PTPRD: variants seen among roughly 807,000 people sequenced by gnomAD.
PTPRD encodes the protein receptor-type tyrosine-protein phosphatase delta.
A neutral mutation model predicts 214.5 loss-of-function variants in PTPRD; 34 were observed. That is an observed-to-expected ratio of 0.16 (90% CI 0.12 to 0.21). PTPRD has a LOEUF of 0.21. PTPRD is among the 10% of genes least tolerant of loss of function. The pLI is 1.00. For missense variants in PTPRD, 2,545 were observed against 2,398.7 expected (o/e 1.06, Z -1.27); for synonymous variants, 1,128 against 845.7 (o/e 1.33, Z -5.79).
chr9:10,514,998 A>G (rs1451234780), intron 2 of PTPRD, among the ~76,000 whole-genome samples: 1 of 152,030 alleles, frequency 6.6e-6, no homozygotes, highest in Non-Finnish European at 1.5e-5. Context: ...CTGAAGAGGA[A>G]AAAAGAGAGA....
At chr9:10,168,758 C>G (rs1827112415) in intron 3 of PTPRD, among the ~76,000 whole-genome samples, 1 of 151,994 alleles carries the variant, frequency 6.6e-6, no homozygotes, top group Admixed American at 6.6e-5. Context: ...GAGTATCAGA[C>G]AAAAGTAAAA....
At chr9:8,353,872 ATGTATATATG>A (rs1290576579) in intron 39 of PTPRD, among the ~76,000 whole-genome samples, 1 of 145,864 alleles carries the variant, frequency 6.9e-6, no homozygotes, top group Non-Finnish European at 1.5e-5. Flanking sequence ...ATATGTATAT[ATGTATATATG>A]TGTATATATG....
chr9:8,497,548 T>G (rs1416321739), intron 25 of PTPRD, among the ~76,000 whole-genome samples: 1 of 152,220 alleles, frequency 6.6e-6, no homozygotes, highest in Non-Finnish European at 1.5e-5. Flanking sequence ...AAAGTTAATG[T>G]TTCTAATCAT....
intron 10 of PTPRD, among the ~76,000 whole-genome samples, chr9:9,060,120 A>G (rs2099704365): frequency 6.6e-6 from 1 of 152,212 alleles, no homozygotes; most frequent in South Asian, 2.1e-4. Context: ...AGAATAAGGG[A>G]GCTAGGGGAA....
chr9:9,450,968 C>CAT (rs1376655221), intron 8 of PTPRD, among the ~76,000 whole-genome samples: 1 of 151,214 alleles, frequency 6.6e-6, no homozygotes, highest in East Asian at 1.9e-4. Context: ...CACACACACA[C>CAT]ACACACACAC....
rs374765868 is a variant in PTPRD at position 9,308,340 on chromosome 9, C to G, written c.-203+89109G>C. Reference sequence around the variant, plus strand: ...CGTGTTTGTATACTTACAGGCAGTCCAGATTACAGATATGAGAATTGCAAG... The same window carrying G: ...CGTGTTTGTATACTTACAGGCAGTCGAGATTACAGATATGAGAATTGCAAG... On this transcript the variant is annotated intron_variant, in intron 9 of 45. Transcript: ENST00000381196. Among the ~76,000 whole-genome samples the G allele has an allele frequency of 2.3e-4, 35 of 152,268 alleles. No homozygotes were observed. The South Asian group carries it at 7.0e-3, about 31-fold the overall frequency.
At chr9:9,194,240 G>A (rs1052962619) in intron 9 of PTPRD, among the ~76,000 whole-genome samples, 1 of 152,046 alleles carries the variant, frequency 6.6e-6, no homozygotes, top group Non-Finnish European at 1.5e-5. Context: ...CCTTCATCTG[G>A]AATACCTCCT....
chr9:10,062,685 T>C (rs1043749200), intron 3 of PTPRD, among the ~76,000 whole-genome samples: 2 of 147,874 alleles, frequency 1.4e-5, no homozygotes, highest in African/African-American at 5.3e-5. Flanking sequence ...TAGGGAGAGG[T>C]ACCCTACTTA....
chr9:10,518,814 G>A (rs889559583), intron 2 of PTPRD, among the ~76,000 whole-genome samples: 2 of 151,490 alleles, frequency 1.3e-5, no homozygotes, highest in Non-Finnish European at 2.9e-5. Flanking sequence ...TTACAGGCGT[G>A]AGCCACCGCG....
At chr9:8,695,514 A>G (rs540234631) in intron 12 of PTPRD, among the ~76,000 whole-genome samples, 3 of 152,172 alleles carry the variant, frequency 2.0e-5, no homozygotes, top group Non-Finnish European at 4.4e-5. Context: ...ATGTCTGTCA[A>G]TAGTCTGTTT....
chr9:10,334,057 T>C (rs187909465), intron 3 of PTPRD, among the ~76,000 whole-genome samples: 4 of 151,816 alleles, frequency 2.6e-5, no homozygotes, highest in Admixed American at 6.6e-5. Flanking sequence ...GTGGAAAGAA[T>C]ATGGTTAGTA....
At chr9:8,943,045 G>C (rs2099043128) in intron 11 of PTPRD, among the ~76,000 whole-genome samples, 1 of 151,896 alleles carries the variant, frequency 6.6e-6, no homozygotes, top group Non-Finnish European at 1.5e-5. Context: ...ATTTACAACA[G>C]TTACAAATAA....
chr9:9,762,750 T>C (rs1001711537), intron 6 of PTPRD, among the ~76,000 whole-genome samples: 4 of 152,230 alleles, frequency 2.6e-5, no homozygotes, highest in African/African-American at 7.2e-5. Context: ...TAGCCTTTAT[T>C]ATCAAGATGT....
chr9:10,608,531 C>T (rs988314725), intron 2 of PTPRD, among the ~76,000 whole-genome samples: 1 of 152,106 alleles, frequency 6.6e-6, no homozygotes, highest in African/African-American at 2.4e-5. Context: ...CTACAGGATT[C>T]TCAAACTGCC....
chr9:8,468,553 A>C (rs1299353953), intron 31 of PTPRD, among the ~76,000 whole-genome samples: 1 of 151,924 alleles, frequency 6.6e-6, no homozygotes, highest in Admixed American at 6.6e-5. Flanking sequence ...TCAGAAGATA[A>C]TTTTGAGAGT....
chr9:9,152,380 C>G (rs941856999), intron 10 of PTPRD, among the ~76,000 whole-genome samples: 3 of 152,188 alleles, frequency 2.0e-5, no homozygotes, highest in Non-Finnish European at 4.4e-5. Context: ...TATTCCATCA[C>G]TGAAAGTAAA....
chr9:8,321,526 T>TATATATATATAA (rs1327118226), intron 44 of PTPRD, among the ~76,000 whole-genome samples: 53 of 115,746 alleles, frequency 4.6e-4, no homozygotes, highest in African/African-American at 7.3e-4. Flanking sequence ...TATATATATA[T>TATATATATATAA]AAAAGGTATA....
intron 7 of PTPRD, among the ~76,000 whole-genome samples, chr9:9,694,229 C>A (rs906428456): frequency 1.3e-5 from 2 of 151,582 alleles, no homozygotes; most frequent in Non-Finnish European, 2.9e-5. Context: ...CTTGTTTCTG[C>A]CTGTCCTTCT....
intron 8 of PTPRD, among the ~76,000 whole-genome samples, chr9:9,526,955 G>A (rs925783097): frequency 2.6e-5 from 4 of 151,968 alleles, no homozygotes; most frequent in African/African-American, 9.7e-5. Flanking sequence ...AGTCAAGGAG[G>A]TATTTCAAGA....
Sources: allele counts gnomAD v4.1 joint callset (sites outside exome capture counted in the v4.1 genomes callset), GRCh38; gene constraint gnomAD v4.1.1; transcripts MANE v1.5; gene names NCBI Gene and HGNC (gene_info 2026-07-23, HGNC 2026-07-21).